Variants in ERC1 observed in about 807,000 individuals in gnomAD.
ERC1 encodes RAB6 interacting protein 2.
In ERC1, 56 loss-of-function variants were observed where a neutral mutation model predicts 132.0. The observed-to-expected ratio is 0.42, with a 90% CI of 0.34 to 0.53. The LOEUF (loss-of-function observed/expected upper bound fraction) is 0.53. ERC1 is among the 20% of genes least tolerant of loss of function. The pLI, the probability that ERC1 is intolerant of heterozygous loss-of-function variation, is 0.03. For missense variants in ERC1, 1,202 were observed against 1,349.9 expected, an observed-to-expected ratio of 0.89 and a Z score of 1.72; for synonymous variants, 478 against 476.1, an observed-to-expected ratio of 1.00 and a Z score of -0.05.
At chr12:1,078,885 TA>T (rs1941761398) in intron 2 of ERC1, among the ~76,000 whole-genome samples, 1 of 126,460 alleles carries the variant, frequency 7.9e-6, no homozygotes, top group East Asian at 2.1e-4. Context: ...TATACAAAGA[TA>T]CAGATAGAAA....
At chr12:1,424,952 G>A (rs551495172) in intron 17 of ERC1, among the ~76,000 whole-genome samples, 1 of 152,082 alleles carries the variant, frequency 6.6e-6, no homozygotes. Context: ...GCTCACTAAC[G>A]CATAGCCAGG....
chr12:1,390,091 G>A (rs1222867163), intron 16 of ERC1, among the ~76,000 whole-genome samples: 1 of 152,134 alleles, frequency 6.6e-6, no homozygotes, highest in African/African-American at 2.4e-5. Flanking sequence ...TATTTGGGTG[G>A]TAAATTATAC....
chr12:1,372,697 T>C (rs2087384784), intron 16 of ERC1, among the ~76,000 whole-genome samples: 2 of 152,236 alleles, frequency 1.3e-5, no homozygotes, highest in South Asian at 4.1e-4. Context: ...TGAGTGCTCC[T>C]GGCTGGGCGC....
At chr12:1,348,038 C>A (rs949557617) in intron 15 of ERC1, among the ~76,000 whole-genome samples, 2 of 152,106 alleles carry the variant, frequency 1.3e-5, no homozygotes, top group Non-Finnish European at 2.9e-5. Flanking sequence ...TGTCTCTCCA[C>A]TTAGTTGATT....
At chr12:1,180,803 C>T (rs944009889) in intron 9 of ERC1, 126 bp downstream of exon 9, 7 of 1,147,238 alleles carry the variant, frequency 6.1e-6, no homozygotes, top group Non-Finnish European at 6.1e-6. Context: ...CTATTGCTGA[C>T]ATACGTAGTG....
At chr12:1,139,162 A>T (rs949637619) in intron 7 of ERC1, among the ~76,000 whole-genome samples, 1 of 152,192 alleles carries the variant, frequency 6.6e-6, no homozygotes, top group African/African-American at 2.4e-5. Context: ...CCAGAAAAGA[A>T]CAGCTCCCAG....
intron 1 of ERC1, among the ~76,000 whole-genome samples, chr12:994,018 G>A (rs936567206): frequency 7.5e-6 from 1 of 132,534 alleles, no homozygotes; most frequent in East Asian, 2.4e-4. Context: ...GCAGTGAGCC[G>A]AGATTGCACC....
chr12:1,258,159 T>A (rs1172692594), intron 13 of ERC1, among the ~76,000 whole-genome samples: 1 of 152,228 alleles, frequency 6.6e-6, no homozygotes, highest in Non-Finnish European at 1.5e-5. Context: ...TGTCCTATCT[T>A]AATCTCTAGC....
chr12:1,353,510 A>C (rs1295781071), intron 15 of ERC1, among the ~76,000 whole-genome samples: 2 of 152,222 alleles, frequency 1.3e-5, no homozygotes, highest in Non-Finnish European at 2.9e-5. Flanking sequence ...TAAAACTTAA[A>C]AACAGAGAGC....
At chr12:1,012,120 C>T (rs1964778535) in intron 1 of ERC1, among the ~76,000 whole-genome samples, 1 of 152,134 alleles carries the variant, frequency 6.6e-6, no homozygotes, top group African/African-American at 2.4e-5. Flanking sequence ...CTTTTCTCTA[C>T]ATTTTGGATC....
chr12:1,412,274 G>A (rs1206661775), intron 17 of ERC1, among the ~76,000 whole-genome samples: 1 of 152,140 alleles, frequency 6.6e-6, no homozygotes. Flanking sequence ...TGAAATTGAC[G>A]ATTTACCTTA....
intron 2 of ERC1, among the ~76,000 whole-genome samples, chr12:1,037,942 G>C (rs565330476): frequency 1.3e-5 from 2 of 151,850 alleles, no homozygotes; most frequent in Non-Finnish European, 2.9e-5. Flanking sequence ...TACTCGGGAG[G>C]CTGAGGCAGG....
At chr12:1,249,327 C>T (rs377500251) in intron 13 of ERC1, among the ~76,000 whole-genome samples, 3 of 152,134 alleles carry the variant, frequency 2.0e-5, no homozygotes, top group African/African-American at 7.2e-5. Flanking sequence ...CATATAGAAG[C>T]ATAGTCTTAG....
intron 1 of ERC1, among the ~76,000 whole-genome samples, chr12:1,000,525 T>G (rs1051877661): frequency 3.3e-5 from 5 of 151,402 alleles, no homozygotes; most frequent in African/African-American, 4.9e-5. Flanking sequence ...ATGAAAATTT[T>G]GGGATGAAAA....
At chr12:1,155,540 A>G (rs1203137479) in intron 8 of ERC1, among the ~76,000 whole-genome samples, 2 of 151,482 alleles carry the variant, frequency 1.3e-5, no homozygotes, top group Non-Finnish European at 2.9e-5. Flanking sequence ...CAGTGGCGCC[A>G]TCTCGGCTCA....
chr12:1,250,554 A>G lies in ERC1; in HGVS notation c.2488-12480A>G, dbSNP rs1377244293. On this transcript the variant is annotated intron_variant, in intron 13 of 18. Transcript: ENST00000360905. Reference sequence around the variant, plus strand: ...CTGTACTTATTGAGTTATAAATAATAAAATTTAATTTAGTTATAATTTTTT... The same window carrying G: ...CTGTACTTATTGAGTTATAAATAATGAAATTTAATTTAGTTATAATTTTTT... 1.4e-4 allele frequency among the ~76,000 whole-genome samples: 22 copies of G among 152,338 alleles called. 1 individual carries two copies. In the South Asian group the frequency reaches 2.3e-3, roughly 16 times the overall value.
intron 17 of ERC1, among the ~76,000 whole-genome samples, chr12:1,419,870 A>G (rs923578724): frequency 1.3e-4 from 19 of 151,900 alleles, no homozygotes; most frequent in Non-Finnish European, 2.6e-4. Context: ...CTGGCAAAAA[A>G]AAAAAAAAAA....
At chr12:1,046,234 T>C (rs749635916) in intron 2 of ERC1, among the ~76,000 whole-genome samples, 59 of 152,174 alleles carry the variant, frequency 3.9e-4, no homozygotes, top group Non-Finnish European at 6.8e-4. Flanking sequence ...AGACAGTTCT[T>C]TCAAGAAAAT....
intron 6 of ERC1, 50 bp from the exon 7 acceptor site, chr12:1,115,816 G>C: frequency 6.8e-7 from 1 of 1,478,670 alleles, no homozygotes; most frequent in Non-Finnish European, 9.3e-7. Flanking sequence ...ACAGATAAGA[G>C]GTGTTTGTTT....
Sources: gnomAD v4.1 joint callset for allele counts (sites outside exome capture counted in the v4.1 genomes callset) on GRCh38, gnomAD v4.1.1 for gene constraint, MANE v1.5 for transcripts, NCBI Gene and HGNC (gene_info 2026-07-23, HGNC 2026-07-21) for gene names.